CEMIP2: variants seen among roughly 807,000 people sequenced by gnomAD.
The protein encoded by CEMIP2 is cell migration inducing hyaluronidase 2, also known as cell surface hyaluronidase CEMIP2.
In CEMIP2, 79 loss-of-function variants were observed where a neutral mutation model predicts 146.9. The observed-to-expected ratio is 0.54, with a 90% CI of 0.45 to 0.65. CEMIP2 has a LOEUF of 0.65. Among genes scored for constraint, CEMIP2 ranks in the 30% least tolerant of loss-of-function variants. The probability of loss-of-function intolerance (pLI) is 0.00; values close to 1 mark genes in which losing one functional copy is unlikely to be tolerated. For synonymous variants in CEMIP2, 601 were observed against 606.3 expected (o/e 0.99, Z 0.13); for missense variants, 1,596 against 1,696.2 (o/e 0.94, Z 1.04).
At chr9:71,687,765 C>T (rs1822111249) in intron 22 of CEMIP2, among the ~76,000 whole-genome samples, 1 of 152,170 alleles carries the variant, frequency 6.6e-6, no homozygotes, top group South Asian at 2.1e-4. Context: ...ACTTGGAAGG[C>T]TGAAGTAGGA....
At chr9:71,762,473 C>A (rs1448340454) in intron 1 of CEMIP2, among the ~76,000 whole-genome samples, 1 of 125,908 alleles carries the variant, frequency 7.9e-6, no homozygotes, top group Admixed American at 1.0e-4. Context: ...GCCTGGGTAA[C>A]CTAACAAGAC....
rs183523573 is a variant in CEMIP2 at position 71,705,946 on chromosome 9, C to T, written c.2986-1143G>A. Among the ~76,000 whole-genome samples, 111 of 151,882 alleles carry T rather than the reference C, an allele frequency of 7.3e-4. 1 individual carries two copies. Among genetic ancestry groups the T allele is most frequent in the South Asian group, 4.6e-3 (22 of 4,812 alleles). On this transcript the variant is annotated intron_variant, in intron 17 of 23. Coordinates refer to ENST00000377044, the MANE Select transcript of CEMIP2 (RefSeq NM_013390.3). ...CTCAGGTCATTAAAAAGCACATATTCGGCCAGGCACAGTGGCTCATGCCTG... is the reference window on the plus strand; with the variant it reads ...CTCAGGTCATTAAAAAGCACATATTTGGCCAGGCACAGTGGCTCATGCCTG...
rs188217215 is a variant in CEMIP2 at position 71,716,626 on chromosome 9, T to C, written c.2400-74A>G. ...AAAAAGAGGTAATTCTCTCAATATT[T>C]AATTATCATGAAATCCAAAAGGTCC... is the stretch of plus-strand genomic sequence containing the variant. On this transcript the variant is annotated intron_variant, in intron 13 of 23. Transcript: ENST00000377044. 2.8e-3 allele frequency: 3,641 copies of C among 1,289,194 alleles called. 10 individuals are homozygous for C. The highest frequency in any genetic ancestry group is 4.2e-3 in the Admixed American group (187 of 45,002). 79.9% of individuals were successfully genotyped at this position (1,289,194 alleles called of 1,614,324 possible).
At chr9:71,768,836 C>A (rs1271722657), upstream of CEMIP2, 2 of 149,458 alleles carry the variant, frequency 1.3e-5, no homozygotes, top group Non-Finnish European at 3.0e-5. Flanking sequence ...TTGCTAGGGT[C>A]GCGCTCAGCC....
At chr9:71,737,608 T>A (rs1823799882) in intron 5 of CEMIP2, among the ~76,000 whole-genome samples, 1 of 152,084 alleles carries the variant, frequency 6.6e-6, no homozygotes. Flanking sequence ...TAACCTTAAG[T>A]GATCCTCCCA....
At chr9:71,757,775 A>G (rs750069372) in intron 1 of CEMIP2, among the ~76,000 whole-genome samples, 5 of 152,228 alleles carry the variant, frequency 3.3e-5, no homozygotes, top group Non-Finnish European at 7.4e-5. Flanking sequence ...GAGGGGAAGC[A>G]GGGTTAGGGC....
chr9:71,704,545 C>T, intron 18 of CEMIP2, 50 bp downstream of exon 18: 1 of 1,599,054 alleles, frequency 6.3e-7, no homozygotes, highest in South Asian at 1.1e-5. Flanking sequence ...TTTTTCTCCA[C>T]TAAATTACTA....
chr9:71,738,870 T>A (rs966323205), intron 5 of CEMIP2, among the ~76,000 whole-genome samples: 2 of 152,184 alleles, frequency 1.3e-5, no homozygotes, highest in East Asian at 3.9e-4. Flanking sequence ...CAAATAAATT[T>A]TGATTTGAAA....
Position 71,722,363 on chromosome 9 carries a change from CCA to C in CEMIP2, c.2267+62_2267+63del, listed in dbSNP as rs61668523. 7.7e-3 allele frequency: 9,479 copies of C among 1,236,992 alleles called. 542 individuals are homozygous for C. In the African/African-American group the frequency reaches 0.12, roughly 16 times the overall value. 76.6% of individuals were successfully genotyped at this position (1,236,992 alleles called of 1,614,324 possible). A position where few individuals can be genotyped will look rare whatever the true frequency, so the allele number is the denominator to read the frequency against. On this transcript the variant is annotated intron_variant, in intron 12 of 23. Coordinates refer to ENST00000377044, the MANE Select transcript of CEMIP2 (RefSeq NM_013390.3). ...TACCACAGAAAGAGCACAATAAACT[CCA>C]GTTAGAAAGTTTTGCTTTGGCAAAG...
chr9:71,730,565 A>ACT, intron 8 of CEMIP2, 140 bp downstream of exon 8: 1 of 870,336 alleles, frequency 1.1e-6, no homozygotes, highest in African/African-American at 1.7e-5. Context: ...AGACAGAAAA[A>ACT]TCGTGGAATG....
chr9:71,750,005 T>A (rs1268836256), intron 2 of CEMIP2, 38 bp downstream of exon 2: 1 of 1,521,682 alleles, frequency 6.6e-7, no homozygotes, highest in South Asian at 1.3e-5. Flanking sequence ...CTCTTTTGTC[T>A]TCTAGAATAT....
At chr9:71,711,294 G>A (rs1429049204) in intron 16 of CEMIP2, among the ~76,000 whole-genome samples, 6 of 151,930 alleles carry the variant, frequency 3.9e-5, no homozygotes, top group Non-Finnish European at 8.8e-5. Flanking sequence ...AGATGCAGTG[G>A]CTCACACCTA....
intron 1 of CEMIP2, among the ~76,000 whole-genome samples, chr9:71,756,238 G>GTA (rs10546089): frequency 0.03 from 4,096 of 138,522 alleles, 82 homozygotes; most frequent in Non-Finnish European, 0.04. Context: ...GTATATAGGT[G>GTA]TATATATATA....
intron 22 of CEMIP2, 51 bp downstream of exon 22, chr9:71,690,041 C>A: frequency 6.3e-7 from 1 of 1,597,770 alleles, no homozygotes. Flanking sequence ...GTTTGGAGCA[C>A]TCCACATCTT....
chr9:71,702,457 A>C (rs892284916), intron 18 of CEMIP2, among the ~76,000 whole-genome samples: 1 of 152,112 alleles, frequency 6.6e-6, no homozygotes, highest in Admixed American at 6.5e-5. Context: ...AGTTAAAAAA[A>C]TTATGGCACA....
Position 71,745,325 on chromosome 9 carries a change from A to G in CEMIP2, c.727T>C (p.Leu243=). The change falls in exon 4 of 24, where the codon TTG becomes CTG. Residue 243 remains leucine (L), a synonymous_variant. Coordinates refer to ENST00000377044, the MANE Select transcript of CEMIP2 (RefSeq NM_013390.3). ...HGARKASWTL[L]ARTLNSSGLP... is the part of the protein sequence containing the mutation. ...CCTGAGGAATTCAGGGTCCTTGCCA[A>G]CAACGTCCACGATGCCTTCCGTGCC... is the stretch of plus-strand genomic sequence containing the variant. 2 of 1,613,544 alleles carry G rather than the reference A, an allele frequency of 1.2e-6. No individual in the cohort carries two copies. Among genetic ancestry groups the G allele is most frequent in the African/African-American group, 1.3e-5 (1 of 75,028 alleles).
intron 1 of CEMIP2, among the ~76,000 whole-genome samples, chr9:71,751,267 G>C (rs1824245297): frequency 6.6e-6 from 1 of 152,034 alleles, no homozygotes; most frequent in African/African-American, 2.4e-5. Flanking sequence ...CCCAGCCCCT[G>C]GTAACCATCA....
At chr9:71,741,185 A>ATTTTTT in intron 4 of CEMIP2, among the ~76,000 whole-genome samples, 1 of 72,240 alleles carries the variant, frequency 1.4e-5, no homozygotes, top group Admixed American at 1.8e-4. Flanking sequence ...ACTGAGTTAG[A>ATTTTTT]TTTTTTTTTT....
intron 5 of CEMIP2, among the ~76,000 whole-genome samples, chr9:71,737,336 C>T (rs1823791474): frequency 6.6e-6 from 1 of 150,536 alleles, no homozygotes; most frequent in Non-Finnish European, 1.5e-5. Flanking sequence ...CCTGTAGTTC[C>T]AGCTACTCAG....
Sources: gnomAD v4.1 joint callset for allele counts (sites outside exome capture counted in the v4.1 genomes callset) on GRCh38, gnomAD v4.1.1 for gene constraint, MANE v1.5 for transcripts, NCBI Gene and HGNC (gene_info 2026-07-23, HGNC 2026-07-21) for gene names.